The following LIN7A variants were observed in gnomAD, a reference collection of about 807,000 sequenced individuals.
LIN7A encodes protein lin-7 homolog A.
Under a neutral mutation model 29.8 loss-of-function variants are expected in LIN7A, and 25 were observed. The ratio of observed to expected loss-of-function variants is 0.84; its 90% CI spans 0.61 to 1.17. LIN7A has a LOEUF of 1.17. LIN7A is among the 50% of genes most tolerant of loss of function. The pLI, the probability that LIN7A is intolerant of heterozygous loss-of-function variation, is 0.00. For synonymous variants in LIN7A, 118 were observed against 107.5 expected (o/e 1.10, Z -0.60); for missense variants, 239 against 287.0 (o/e 0.83, Z 1.21).
intron 4 of LIN7A, among the ~76,000 whole-genome samples, chr12:80,828,461 G>C (rs995863579): frequency 1.3e-5 from 2 of 152,110 alleles, no homozygotes; most frequent in Non-Finnish European, 2.9e-5. Context: ...GCAAGTCATA[G>C]ATAATACGTA....
chr12:80,918,624 T>C (rs575488098), intron 1 of LIN7A, among the ~76,000 whole-genome samples: 189 of 152,320 alleles, frequency 1.2e-3, no homozygotes, highest in African/African-American at 4.5e-3. Context: ...TTCTACTCCC[T>C]CATTTTCAAT....
At chr12:80,873,071 CTT>C (rs936969714) in intron 2 of LIN7A, among the ~76,000 whole-genome samples, 1 of 152,156 alleles carries the variant, frequency 6.6e-6, no homozygotes, top group Non-Finnish European at 1.5e-5. Flanking sequence ...GCACTGTTCT[CTT>C]TTTATGGCTG....
intron 4 of LIN7A, among the ~76,000 whole-genome samples, chr12:80,813,104 G>A (rs931222647): frequency 2.3e-4 from 35 of 151,904 alleles, no homozygotes; most frequent in Middle Eastern, 3.4e-3. Flanking sequence ...TCCGCCTCCC[G>A]GGTTCATGCC....
intron 1 of LIN7A, among the ~76,000 whole-genome samples, chr12:80,913,925 T>G (rs2120823008): frequency 6.6e-6 from 1 of 152,344 alleles, no homozygotes; most frequent in South Asian, 2.1e-4. Context: ...CTTCTGAAAC[T>G]TGCCTCTAAC....
chr12:80,850,978 G>A (rs1873301981), intron 2 of LIN7A, among the ~76,000 whole-genome samples: 1 of 152,146 alleles, frequency 6.6e-6, no homozygotes, highest in African/African-American at 2.4e-5. Context: ...AGTCACAGAG[G>A]TGGGAACATA....
intron 1 of LIN7A, among the ~76,000 whole-genome samples, chr12:80,930,125 G>C (rs1446539459): frequency 6.6e-6 from 1 of 152,120 alleles, no homozygotes. Flanking sequence ...GTAAACAAAA[G>C]TTGCACAAAC....
At chr12:80,841,938 G>T in intron 4 of LIN7A, 1 of 1,070,566 alleles carries the variant, frequency 9.3e-7, no homozygotes, top group South Asian at 2.6e-5. Context: ...GTTTCACTGA[G>T]GATTGATATA....
chr12:80,803,079 C>T (rs1013387632), intron 5 of LIN7A, among the ~76,000 whole-genome samples: 1 of 152,050 alleles, frequency 6.6e-6, no homozygotes, highest in African/African-American at 2.4e-5. Context: ...TCTTCTAATC[C>T]ATGGGTTATT....
chr12:80,856,989 T>C (rs901347771), intron 2 of LIN7A, among the ~76,000 whole-genome samples: 3 of 152,196 alleles, frequency 2.0e-5, no homozygotes, highest in Non-Finnish European at 2.9e-5. Flanking sequence ...AATATCCTTA[T>C]GGAAGGAAGA....
At position 80,906,027 on chromosome 12, in the gene LIN7A, T is replaced by C. The variant is rs118167053; in HGVS notation, c.83-16658A>G. On this transcript the variant is annotated intron_variant, in intron 1 of 5. Transcript: ENST00000552864. Reference sequence around the variant, plus strand: ...AAGTCCTCAAAGAGCTAGTATTTTTTTGTTTTTATTTAATATTTGTACTTA... The same window carrying C: ...AAGTCCTCAAAGAGCTAGTATTTTTCTGTTTTTATTTAATATTTGTACTTA... Among the ~76,000 whole-genome samples the C allele has an allele frequency of 1.0e-3, 156 of 152,306 alleles. 3 individuals carry two copies. The East Asian group carries it at 0.025, about 24-fold the overall frequency.
intron 4 of LIN7A, among the ~76,000 whole-genome samples, chr12:80,817,598 T>A (rs553883387): frequency 6.6e-6 from 1 of 152,254 alleles, no homozygotes; most frequent in African/African-American, 2.4e-5. Context: ...GATGTTATCA[T>A]CATTTGGAGT....
intron 4 of LIN7A, among the ~76,000 whole-genome samples, chr12:80,831,891 G>A (rs990669477): frequency 6.6e-6 from 1 of 152,166 alleles, no homozygotes; most frequent in East Asian, 1.9e-4. Context: ...TTTTCAAAAT[G>A]TAAACAGATC....
intron 5 of LIN7A, among the ~76,000 whole-genome samples, chr12:80,804,182 G>A (rs779706485): frequency 3.3e-5 from 5 of 152,046 alleles, no homozygotes; most frequent in African/African-American, 1.2e-4. Flanking sequence ...GGAAAGTGGG[G>A]TATGCATCCT....
At chr12:80,913,079 C>T (rs1876847851) in intron 1 of LIN7A, among the ~76,000 whole-genome samples, 1 of 152,132 alleles carries the variant, frequency 6.6e-6, no homozygotes, top group African/African-American at 2.4e-5. Flanking sequence ...ATAAAGGTGA[C>T]CATCTGGGGA....
intron 4 of LIN7A, among the ~76,000 whole-genome samples, chr12:80,818,132 G>A (rs1483222309): frequency 6.6e-6 from 1 of 152,002 alleles, no homozygotes; most frequent in Non-Finnish European, 1.5e-5. Context: ...TTTTACTTTT[G>A]TTCCATGAAG....
intron 1 of LIN7A, among the ~76,000 whole-genome samples, chr12:80,929,286 G>A (rs1170083502): frequency 6.6e-6 from 1 of 152,160 alleles, no homozygotes; most frequent in East Asian, 1.9e-4. Flanking sequence ...TCTAATAAAT[G>A]AAGGCTACAT....
At chr12:80,908,067 T>C (rs989600593) in intron 1 of LIN7A, among the ~76,000 whole-genome samples, 1 of 152,116 alleles carries the variant, frequency 6.6e-6, no homozygotes, top group Non-Finnish European at 1.5e-5. Context: ...TAGCCTGAGA[T>C]ATCAGTGATG....
At chr12:80,848,009 A>G in intron 3 of LIN7A, 1 of 603,244 alleles carries the variant, frequency 1.7e-6, no homozygotes, top group Non-Finnish European at 3.1e-6. Context: ...GCTTGTGCCA[A>G]ATGGACATTA....
At chr12:80,873,895 G>C (rs1295999827) in intron 2 of LIN7A, among the ~76,000 whole-genome samples, 2 of 150,196 alleles carry the variant, frequency 1.3e-5, no homozygotes, top group African/African-American at 2.5e-5. Flanking sequence ...CACTGGGAAA[G>C]ATGCCTCTTA....
Sources: gnomAD v4.1 joint callset for allele counts (sites outside exome capture counted in the v4.1 genomes callset) on GRCh38, gnomAD v4.1.1 for gene constraint, MANE v1.5 for transcripts, NCBI Gene and HGNC (gene_info 2026-07-23, HGNC 2026-07-21) for gene names.